Variants in RAB38 observed in about 807,000 individuals in gnomAD.
RAB38 encodes the protein RAB38, member RAS oncogene family.
In RAB38, 15 loss-of-function variants were observed where a neutral mutation model predicts 18.4. The observed-to-expected ratio is 0.82, with a 90% confidence interval of 0.55 to 1.26. The LOEUF is 1.26. RAB38 is among the 50% of genes most tolerant of loss of function. RAB38 has a pLI of 0.00. For synonymous variants in RAB38, 101 were observed against 104.4 expected (o/e 0.97, Z 0.20); for missense variants, 294 against 267.4 (o/e 1.10, Z -0.69).
chr11:87,901,953 G>A, the RAB38 span, among the ~76,000 whole-genome samples: 2 of 147,198 alleles, frequency 1.4e-5, no homozygotes, highest in Non-Finnish European at 3.0e-5. Context: ...CTCAAGACAC[G>A]CTGATAACTT....
chr11:87,924,920 C>A, the RAB38 span, among the ~76,000 whole-genome samples: 1 of 151,964 alleles, frequency 6.6e-6, no homozygotes, highest in African/African-American at 2.4e-5. Context: ...ATGGACATAT[C>A]TTGTGGCTCC....
chr11:88,161,091 T>C (rs192604943), intron 1 of RAB38, among the ~76,000 whole-genome samples: 52 of 152,226 alleles, frequency 3.4e-4, no homozygotes, highest in Non-Finnish European at 6.3e-4. Flanking sequence ...CAGTGACTCT[T>C]ATATGCCCAA....
At chr11:88,056,258 G>A in the RAB38 span, among the ~76,000 whole-genome samples, 1 of 152,130 alleles carries the variant, frequency 6.6e-6, no homozygotes, top group Non-Finnish European at 1.5e-5. Context: ...GACTAAGGGA[G>A]CCACACTGTT....
At chr11:88,135,653 G>C (rs190168057) in intron 2 of RAB38, among the ~76,000 whole-genome samples, 1 of 152,254 alleles carries the variant, frequency 6.6e-6, no homozygotes, top group African/African-American at 2.4e-5. Flanking sequence ...ACAAAAATCT[G>C]AAACACAAAA....
intron 1 of RAB38, among the ~76,000 whole-genome samples, chr11:88,152,701 TGC>T (rs1943078424): frequency 8.5e-5 from 13 of 152,168 alleles, no homozygotes; most frequent in Admixed American, 3.3e-4. Flanking sequence ...TCAGAGTGAG[TGC>T]CTACTTTTGG....
the RAB38 span, among the ~76,000 whole-genome samples, chr11:88,089,072 A>G: frequency 6.6e-6 from 1 of 151,996 alleles, no homozygotes; most frequent in African/African-American, 2.4e-5. Context: ...GTTTCAAAAG[A>G]AACTATTTAT....
intron 2 of RAB38, among the ~76,000 whole-genome samples, chr11:88,134,836 A>C (rs7130834): frequency 0.85 from 129,889 of 152,148 alleles, 55,739 homozygotes; most frequent in Middle Eastern, 0.93. Context: ...TGGCTTCTTG[A>C]ACAGAAAATT....
chr11:87,821,700 A>C, the RAB38 span, among the ~76,000 whole-genome samples: 1 of 151,828 alleles, frequency 6.6e-6, no homozygotes, highest in Non-Finnish European at 1.5e-5. Context: ...AAATACAAAA[A>C]ATTATCTGGG....
the RAB38 span, among the ~76,000 whole-genome samples, chr11:87,895,795 T>C: frequency 6.6e-6 from 1 of 151,664 alleles, no homozygotes; most frequent in Non-Finnish European, 1.5e-5. Context: ...AGGCTATGTC[T>C]CATTGACAGA....
At chr11:87,835,334 T>A in the RAB38 span, among the ~76,000 whole-genome samples, 1 of 151,998 alleles carries the variant, frequency 6.6e-6, no homozygotes, top group Admixed American at 6.6e-5. Context: ...TGGCTATACT[T>A]GTGGTCACTG....
chr11:87,812,155 T>A, the RAB38 span, among the ~76,000 whole-genome samples: 1 of 152,206 alleles, frequency 6.6e-6, no homozygotes, highest in Non-Finnish European at 1.5e-5. Flanking sequence ...TTTACCACCA[T>A]TGACCTTGGG....
intron 2 of RAB38, among the ~76,000 whole-genome samples, chr11:88,124,649 T>C (rs951370552): frequency 4.6e-5 from 7 of 152,226 alleles, no homozygotes; most frequent in African/African-American, 1.7e-4. Context: ...CACAGTCAGA[T>C]AACAACTCAT....
the RAB38 span, among the ~76,000 whole-genome samples, chr11:88,098,303 C>G: frequency 6.6e-5 from 10 of 152,094 alleles, no homozygotes; most frequent in Non-Finnish European, 1.5e-4. Flanking sequence ...CATCCTTACT[C>G]TGTGTGACCT....
At chr11:88,006,934 C>G in the RAB38 span, among the ~76,000 whole-genome samples, 1 of 151,382 alleles carries the variant, frequency 6.6e-6, no homozygotes, top group Admixed American at 6.6e-5. Flanking sequence ...TTCTGTCAGT[C>G]TATTGCATAG....
At chr11:87,903,159 A>C in the RAB38 span, among the ~76,000 whole-genome samples, 19 of 151,458 alleles carry the variant, frequency 1.3e-4, no homozygotes, top group African/African-American at 4.4e-4. Flanking sequence ...TCCCAGGCTT[A>C]AAAGAAAAGC....
chr11:88,101,803 TTA>T, the RAB38 span, among the ~76,000 whole-genome samples: 1 of 151,536 alleles, frequency 6.6e-6, no homozygotes, highest in African/African-American at 2.4e-5. Context: ...ATATACATAA[TTA>T]TGTTATTCAA....
At chr11:87,811,404 C>T in the RAB38 span, among the ~76,000 whole-genome samples, 3 of 152,184 alleles carry the variant, frequency 2.0e-5, no homozygotes, top group African/African-American at 4.8e-5. Flanking sequence ...TGGGGAACCA[C>T]GCTCATGCCT....
At chr11:87,975,298 C>T in the RAB38 span, among the ~76,000 whole-genome samples, 1 of 151,802 alleles carries the variant, frequency 6.6e-6, no homozygotes, top group African/African-American at 2.4e-5. Context: ...GAATTTTAGG[C>T]GGATACGACT....
At chr11:87,904,261 G>A in the RAB38 span, among the ~76,000 whole-genome samples, 1 of 151,588 alleles carries the variant, frequency 6.6e-6, no homozygotes, top group Non-Finnish European at 1.5e-5. Flanking sequence ...CCCCTCAGTA[G>A]TTCCCAGTTT....
Sources: allele counts gnomAD v4.1 joint callset (sites outside exome capture counted in the v4.1 genomes callset), GRCh38; gene constraint gnomAD v4.1.1; transcripts MANE v1.5; gene names NCBI Gene and HGNC (gene_info 2026-07-23, HGNC 2026-07-21).